The following OSBPL9 variants were observed in gnomAD, a reference collection of about 807,000 sequenced individuals.
The protein encoded by OSBPL9 is oxysterol-binding protein-related protein 9.
OSBPL9 carries 40 observed loss-of-function variants against 106.6 expected under a neutral mutation model. The ratio of observed to expected loss-of-function variants is 0.38; its 90% confidence interval spans 0.29 to 0.49. OSBPL9 has a LOEUF of 0.49. Ranked by LOEUF, OSBPL9 falls within the 20% of genes least tolerant of loss-of-function variation. The pLI is 0.97. For missense variants in OSBPL9, 609 were observed against 887.2 expected, an observed-to-expected ratio of 0.69 and a Z score of 3.98; for synonymous variants, 269 against 295.4, an observed-to-expected ratio of 0.91 and a Z score of 0.92.
the OSBPL9 span, among the ~76,000 whole-genome samples, chr1:51,521,483 A>C: frequency 6.6e-6 from 1 of 152,344 alleles, no homozygotes; most frequent in African/African-American, 2.4e-5. Context: ...GTGTGACCGC[A>C]GGCAAACCAT....
At chr1:51,659,543 G>A (rs971084611) in intron 2 of OSBPL9, among the ~76,000 whole-genome samples, 3 of 151,630 alleles carry the variant, frequency 2.0e-5, no homozygotes. Context: ...ATAACAAAAA[G>A]AATACACTAA....
Position 51,784,089 on chromosome 1 carries a change from T to C in OSBPL9, c.1624+64T>C, listed in dbSNP as rs906331744. ...GAGAATTTTATGAAAATGGCTAGACTAGATGTCATTGTTAGCAACTAAGCA... is the reference window on the plus strand; with the variant it reads ...GAGAATTTTATGAAAATGGCTAGACCAGATGTCATTGTTAGCAACTAAGCA... On this transcript the variant is annotated intron_variant, in intron 18 of 23. Coordinates refer to ENST00000428468, the MANE Select transcript of OSBPL9 (RefSeq NM_024586.6). 2.6e-5 allele frequency: 38 copies of C among 1,468,868 alleles called. 1 individual carries two copies. The highest frequency in any genetic ancestry group is 3.4e-4 in the Middle Eastern group (2 of 5,810). 91.0% of individuals were successfully genotyped at this position (1,468,868 alleles called of 1,614,324 possible).
At chr1:51,520,430 C>T in the OSBPL9 span, among the ~76,000 whole-genome samples, 5 of 152,306 alleles carry the variant, frequency 3.3e-5, no homozygotes, top group African/African-American at 1.2e-4. Context: ...CTGATGTGAC[C>T]GTTTTTATAC....
chr1:51,706,722 T>A (rs1045562377), intron 3 of OSBPL9, among the ~76,000 whole-genome samples: 1 of 150,886 alleles, frequency 6.6e-6, no homozygotes, highest in Admixed American at 6.6e-5. Flanking sequence ...AGGCTACAAA[T>A]TTCCCTTTAT....
At chr1:51,682,706 G>T (rs759648832) in intron 3 of OSBPL9, among the ~76,000 whole-genome samples, 46 of 149,900 alleles carry the variant, frequency 3.1e-4, no homozygotes, top group African/African-American at 4.9e-5. Context: ...GTAGTGAGCC[G>T]AGATCACACC....
chr1:51,679,183 C>T (rs1389210505), intron 3 of OSBPL9, among the ~76,000 whole-genome samples: 1 of 152,096 alleles, frequency 6.6e-6, no homozygotes, highest in Non-Finnish European at 1.5e-5. Flanking sequence ...TACTTTTCTT[C>T]TTCTTTATTT....
intron 2 of OSBPL9, among the ~76,000 whole-genome samples, chr1:51,610,564 A>G (rs1485322236): frequency 6.6e-6 from 1 of 152,254 alleles, no homozygotes; most frequent in Non-Finnish European, 1.5e-5. Context: ...TATTGGAGAT[A>G]GAGAGGTGAA....
At chr1:51,633,388 A>T (rs930194495) in intron 1 of OSBPL9, among the ~76,000 whole-genome samples, 1 of 151,492 alleles carries the variant, frequency 6.6e-6, no homozygotes, top group African/African-American at 2.4e-5. Flanking sequence ...TGGGCAATGT[A>T]GGGAGACCCC....
chr1:51,784,134 C>T, intron 18 of OSBPL9, 109 bp downstream of exon 18: 1 of 1,380,554 alleles, frequency 7.2e-7, no homozygotes, highest in Non-Finnish European at 1.0e-6. Flanking sequence ...GGGGTGAGAG[C>T]AAAGGGTGGG....
chr1:51,578,776 A>C (rs1486100969), intron 1 of OSBPL9, among the ~76,000 whole-genome samples: 2 of 152,228 alleles, frequency 1.3e-5, no homozygotes, highest in African/African-American at 4.8e-5. Flanking sequence ...TAGGGAGTTC[A>C]TAATCTGGTG....
intron 2 of OSBPL9, among the ~76,000 whole-genome samples, chr1:51,656,242 C>T (rs1361870984): frequency 6.6e-6 from 1 of 152,096 alleles, no homozygotes; most frequent in Non-Finnish European, 1.5e-5. Context: ...TGTAATGAGG[C>T]TTAGCAATTA....
At chr1:51,545,782 A>T in the OSBPL9 span, among the ~76,000 whole-genome samples, 20 of 152,186 alleles carry the variant, frequency 1.3e-4, no homozygotes, top group African/African-American at 4.6e-4. Context: ...AAACAACTGC[A>T]GAGAAAAATC....
At position 51,584,265 on chromosome 1, in the gene OSBPL9, G is replaced by A. The variant is rs1291382758; in HGVS notation, c.-423+7009G>A. Among the ~76,000 whole-genome samples, 3 of 152,212 alleles carry A rather than the reference G, an allele frequency of 2.0e-5. No individual in the cohort carries two copies. The East Asian group carries it at 5.8e-4, about 29-fold the overall frequency. On this transcript the variant is annotated intron_variant, in intron 1 of 25. Coordinates refer to the OSBPL9 transcript ENST00000371714. Reference sequence around the variant, plus strand: ...TCTGCTGGCCACCTGACACTTGGCAGCTTGTAGCAGTGGCTAGAGAATCTT... The same window carrying A: ...TCTGCTGGCCACCTGACACTTGGCAACTTGTAGCAGTGGCTAGAGAATCTT...
At chr1:51,647,778 G>A (rs1387787040) in intron 1 of OSBPL9, among the ~76,000 whole-genome samples, 1 of 149,654 alleles carries the variant, frequency 6.7e-6, no homozygotes. Context: ...TTTTTCCTTG[G>A]TCAGTCTAGC....
intron 14 of OSBPL9, among the ~76,000 whole-genome samples, chr1:51,773,146 A>G (rs1306346758): frequency 1.3e-5 from 2 of 152,190 alleles, no homozygotes; most frequent in Non-Finnish European, 2.9e-5. Context: ...TAGTAAATGT[A>G]AAATTGTGAC....
chr1:51,553,753 A>G, the OSBPL9 span, among the ~76,000 whole-genome samples: 4 of 151,906 alleles, frequency 2.6e-5, no homozygotes, highest in South Asian at 6.3e-4. Flanking sequence ...ATCTCGGCTC[A>G]CTGCAACCTC....
chr1:51,627,502 G>A (rs1644836538), intron 1 of OSBPL9, among the ~76,000 whole-genome samples: 1 of 151,066 alleles, frequency 6.6e-6, no homozygotes, highest in South Asian at 2.1e-4. Context: ...TTATTTGTCT[G>A]TACTTACGCC....
intron 3 of OSBPL9, among the ~76,000 whole-genome samples, chr1:51,712,261 G>A (rs1044363668): frequency 2.0e-5 from 3 of 152,224 alleles, no homozygotes; most frequent in African/African-American, 7.2e-5. Context: ...AACCAGTCAG[G>A]CGTGGCGGCG....
At chr1:51,683,694 G>A (rs1353350784) in intron 3 of OSBPL9, among the ~76,000 whole-genome samples, 1 of 151,944 alleles carries the variant, frequency 6.6e-6, no homozygotes, top group Non-Finnish European at 1.5e-5. Flanking sequence ...TCAGGAGGCT[G>A]AGGCAGGAGA....
Sources: allele counts gnomAD v4.1 joint callset (sites outside exome capture counted in the v4.1 genomes callset), GRCh38; gene constraint gnomAD v4.1.1; transcripts MANE v1.5; gene names NCBI Gene and HGNC (gene_info 2026-07-23, HGNC 2026-07-21).